PRKAG2: variants seen among roughly 807,000 people sequenced by gnomAD.
PRKAG2 encodes 5'-AMP-activated protein kinase subunit gamma-2.
A neutral mutation model predicts 69.6 loss-of-function variants in PRKAG2; 26 were observed. That is an observed-to-expected ratio of 0.37 (90% CI 0.27 to 0.52). PRKAG2 has a LOEUF of 0.52. PRKAG2 is among the 20% of genes least tolerant of loss of function. The pLI is 0.90. For synonymous variants in PRKAG2, 293 were observed against 285.0 expected (o/e 1.03, Z -0.28); for missense variants, 557 against 740.0 (o/e 0.75, Z 2.87).
At chr7:151,810,026 C>G (rs1452976789) in intron 1 of PRKAG2, 3 of 152,246 alleles carry the variant, frequency 2.0e-5, no homozygotes, top group Admixed American at 6.5e-5. Context: ...TTACTGGCCC[C>G]GGGTTACCTG....
chr7:151,601,603 G>C (rs1398097205), intron 5 of PRKAG2, among the ~76,000 whole-genome samples: 6 of 152,178 alleles, frequency 3.9e-5, no homozygotes, highest in Non-Finnish European at 7.3e-5. Context: ...ACAGACCTCA[G>C]AACTGTCTCG....
intron 1 of PRKAG2, among the ~76,000 whole-genome samples, chr7:151,815,346 G>A (rs1028522080): frequency 5.9e-5 from 9 of 152,050 alleles, no homozygotes; most frequent in African/African-American, 2.2e-4. Context: ...GCAATTCCTG[G>A]AGATAGTAAG....
chr7:151,804,607 T>C (rs1037990437), intron 1 of PRKAG2, among the ~76,000 whole-genome samples: 22 of 152,338 alleles, frequency 1.4e-4, no homozygotes, highest in Admixed American at 3.9e-4. Context: ...CTAACTATGA[T>C]GTAGGAGAGT....
chr7:151,689,965 G>A (rs1291068722), intron 3 of PRKAG2, among the ~76,000 whole-genome samples: 6 of 152,150 alleles, frequency 3.9e-5, no homozygotes, highest in African/African-American at 1.4e-4. Context: ...TAATTGGTAC[G>A]ATTCTCCACG....
intron 3 of PRKAG2, among the ~76,000 whole-genome samples, chr7:151,744,241 C>T (rs538832656): frequency 4.6e-5 from 7 of 152,222 alleles, no homozygotes; most frequent in Admixed American, 1.3e-4. Flanking sequence ...GCCGGTGCCC[C>T]GGGGCCACGT....
At chr7:151,592,416 G>A (rs771655924) in intron 6 of PRKAG2, among the ~76,000 whole-genome samples, 6 of 152,306 alleles carry the variant, frequency 3.9e-5, no homozygotes, top group Non-Finnish European at 2.9e-5. Context: ...CAACTGCAGG[G>A]AGTCCAGTCG....
rs115874023 is a variant in PRKAG2 at position 151,705,100 on chromosome 7, A to G, written c.467-29463T>C. ...TTTGACGATTAGCAAGTTAATGAGA[A>G]TTTTTCAACCTTCTGATAAAACGTA... On this transcript the variant is annotated intron_variant, in intron 3 of 15. Coordinates refer to ENST00000287878, the MANE Select transcript of PRKAG2 (RefSeq NM_016203.4). 5.7e-3 allele frequency among the ~76,000 whole-genome samples: 869 copies of G among 152,308 alleles called. 2 individuals are homozygous for G. The highest frequency in any genetic ancestry group is 7.4e-3 in the African/African-American group (308 of 41,564).
chr7:151,649,070 G>A (rs1828037490), intron 4 of PRKAG2, among the ~76,000 whole-genome samples: 1 of 152,204 alleles, frequency 6.6e-6, no homozygotes, highest in South Asian at 2.1e-4. Flanking sequence ...CGAAGAGCAA[G>A]TAGCCAGTGT....
intron 14 of PRKAG2, among the ~76,000 whole-genome samples, chr7:151,563,792 C>A (rs1383220877): frequency 1.3e-5 from 2 of 152,216 alleles, no homozygotes; most frequent in African/African-American, 2.4e-5. Flanking sequence ...ATGTCGTCCA[C>A]ACTGTCAAAC....
chr7:151,832,597 G>GC (rs1554614847), intron 1 of PRKAG2, among the ~76,000 whole-genome samples: 5 of 150,818 alleles, frequency 3.3e-5, no homozygotes, highest in South Asian at 2.1e-4. Context: ...GGCATCTCTG[G>GC]GGGGGGGGTC....
Position 151,781,506 on chromosome 7 carries a change from A to T in PRKAG2, c.187-75T>A, listed in dbSNP as rs1226343888. ...CTGCCTCCTGCCCTGTATGAAACTT[A>T]TCATTGTCCTCTCTCACATGCGGGC... On this transcript the variant is annotated intron_variant, in intron 2 of 15. Coordinates refer to ENST00000287878, the MANE Select transcript of PRKAG2 (RefSeq NM_016203.4). The surrounding 1 kb of genome is among the most constrained non-coding windows in gnomAD (Gnocchi z 6.1). 1.3e-6 allele frequency: 2 copies of T among 1,515,888 alleles called. No individual in the cohort carries two copies. Among genetic ancestry groups the T allele is most frequent in the African/African-American group, 1.4e-5 (1 of 72,494 alleles). The allele number at this position is 1,515,888 out of a possible 1,614,324, so 93.9% of individuals were successfully genotyped here.
rs186578092 is a variant in PRKAG2, at chr7:151,665,144, C to T, written c.684+10276G>A. 2.4e-3 allele frequency among the ~76,000 whole-genome samples: 363 copies of T among 152,162 alleles called. 1 individual carries two copies. The highest frequency in any genetic ancestry group is 8.4e-3 in the African/African-American group (348 of 41,504). On this transcript the variant is annotated intron_variant, in intron 4 of 15. Transcript: ENST00000287878. ...AGAGTTCTGCTTCTACAGGATGCAC[C>T]CCCTTTTTGCTGGGGAGACTCTCAA...
At chr7:151,652,693 T>G (rs1828734312) in intron 4 of PRKAG2, among the ~76,000 whole-genome samples, 1 of 152,078 alleles carries the variant, frequency 6.6e-6, no homozygotes, top group African/African-American at 2.4e-5. Context: ...TAGAGTACAA[T>G]GGCATGATCG....
intron 3 of PRKAG2, among the ~76,000 whole-genome samples, chr7:151,706,758 G>T (rs1169387648): frequency 6.6e-6 from 1 of 152,242 alleles, no homozygotes; most frequent in Non-Finnish European, 1.5e-5. Flanking sequence ...TTCAGCAAAC[G>T]CTCAACACAG....
At position 151,688,011 on chromosome 7, in the gene PRKAG2, G is replaced by GGGAGGGA. The variant is rs1554539747; in HGVS notation, c.467-12375_467-12374insTCCCTCC. Among the ~76,000 whole-genome samples, 10 of 126,284 alleles carry GGGAGGGA rather than the reference G, an allele frequency of 7.9e-5. No individual in the cohort carries two copies. In the East Asian group the frequency reaches 2.1e-3, roughly 27 times the overall value. The allele number at this position is 126,284 out of a possible 152,430, so 82.8% of individuals were successfully genotyped here. On this transcript the variant is annotated intron_variant, in intron 3 of 15. Coordinates refer to ENST00000287878, the MANE Select transcript of PRKAG2 (RefSeq NM_016203.4). ...TTGGCACTTTGGGTTTGGAAGGGGA[G>GGGAGGGA]GGAGGAGGAGGAGGAGGAGGAGGAA...
chr7:151,874,156 GATGTATATGTATATGATGTAT>G, intron 1 of PRKAG2, among the ~76,000 whole-genome samples: 2 of 110,544 alleles, frequency 1.8e-5, no homozygotes, highest in African/African-American at 3.4e-5. Context: ...ATATGTATAT[GATGTATATGTATATGATGTAT>G]ATGTATATGT....
intron 1 of PRKAG2, among the ~76,000 whole-genome samples, chr7:151,873,100 C>T (rs550615952): frequency 5.3e-5 from 8 of 152,370 alleles, no homozygotes; most frequent in Non-Finnish European, 1.0e-4. Flanking sequence ...GTTACTACAG[C>T]TGGCAACCCT....
chr7:151,858,328 G>C (rs2079836148), intron 1 of PRKAG2, among the ~76,000 whole-genome samples: 1 of 152,160 alleles, frequency 6.6e-6, no homozygotes, highest in African/African-American at 2.4e-5. Flanking sequence ...GCCCATTGAA[G>C]AGCCCAATCT....
chr7:151,786,420 C>T (rs755953097), intron 2 of PRKAG2, 50 bp downstream of exon 2: 4 of 1,534,442 alleles, frequency 2.6e-6, no homozygotes, highest in Non-Finnish European at 8.9e-7. Flanking sequence ...CTGCCTGCCT[C>T]CGTGGCACCT....
Sources: gnomAD v4.1 joint callset for allele counts (sites outside exome capture counted in the v4.1 genomes callset) on GRCh38, gnomAD v4.1.1 for gene constraint, Gnocchi (gnomAD v3.1) non-coding constraint, MANE v1.5 for transcripts, NCBI Gene and HGNC (gene_info 2026-07-23, HGNC 2026-07-21) for gene names.